Variants in SACS observed in about 807,000 individuals in gnomAD.
SACS encodes the protein sacsin molecular chaperone, also known as sacsin.
In SACS, 197 loss-of-function variants were observed where a neutral mutation model predicts 348.0. The ratio of observed to expected loss-of-function variants is 0.57; its 90% confidence interval spans 0.50 to 0.64. The LOEUF (loss-of-function observed/expected upper bound fraction) is 0.64. Ranked by LOEUF, SACS falls within the 30% of genes least tolerant of loss-of-function variation. SACS has a pLI of 0.00. For missense variants in SACS, 4,999 were observed against 5,360.8 expected, an observed-to-expected ratio of 0.93 and a Z score of 2.11; for synonymous variants, 1,985 against 1,910.6, an observed-to-expected ratio of 1.04 and a Z score of -1.02.
chr13:23,423,535 T>A (rs770600200), intron 1 of SACS, among the ~76,000 whole-genome samples: 1 of 152,206 alleles, frequency 6.6e-6, no homozygotes, highest in African/African-American at 2.4e-5. Context: ...TATTGTAGAA[T>A]CTAAGTAATG....
intron 1 of SACS, among the ~76,000 whole-genome samples, chr13:23,431,945 A>G (rs2138031884): frequency 6.6e-6 from 1 of 152,368 alleles, no homozygotes; most frequent in Admixed American, 6.5e-5. Flanking sequence ...AGAAAACGAC[A>G]AAACTCTTAC....
In SACS at chr13:23,375,219, G is replaced by T; in HGVS notation, c.71C>A (p.Ala24Glu). The change falls in exon 3 of 10, where the codon GCG becomes GAG. Residue 24 changes from alanine (A) to glutamate (E), a missense_variant. By Grantham distance (107) the Ala-to-Glu change is moderately radical (BLOSUM62 -1). Coordinates refer to ENST00000382292, the MANE Select transcript of SACS (RefSeq NM_014363.6). ...GCGCACGGTCCAGGACGCCAGCGCCGCGACGGTCCTGCAGCCCACGCAGCC... is the reference window on the plus strand; with the variant it reads ...GCGCACGGTCCAGGACGCCAGCGCCTCGACGGTCCTGCAGCCCACGCAGCC... ...LPGCVGCRTVAALASWTVRDV... is the reference protein window; with the variant it reads ...LPGCVGCRTVEALASWTVRDV... 6.7e-7 allele frequency: 1 copy of T among 1,499,162 alleles called. No individual in the cohort carries two copies. Among genetic ancestry groups the T allele is most frequent in the South Asian group, 1.3e-5 (1 of 79,084 alleles). 92.9% of individuals were successfully genotyped at this position (1,499,162 alleles called of 1,614,324 possible). A position where few individuals can be genotyped will look rare whatever the true frequency, so the allele number is the denominator to read the frequency against.
chr13:23,402,525 A>T (rs1312393276), intron 2 of SACS, among the ~76,000 whole-genome samples: 2 of 152,238 alleles, frequency 1.3e-5, no homozygotes, highest in Admixed American at 6.5e-5. Flanking sequence ...GCATAAGTTC[A>T]ATAGGAATCT....
chr13:23,408,496 G>A (rs553203466), intron 2 of SACS, among the ~76,000 whole-genome samples: 18 of 152,274 alleles, frequency 1.2e-4, no homozygotes, highest in African/African-American at 3.9e-4. Context: ...TGTACATCAC[G>A]TTCTACATGC....
At chr13:23,369,859 TTC>T (rs1044489271) in intron 4 of SACS, among the ~76,000 whole-genome samples, 3 of 150,666 alleles carry the variant, frequency 2.0e-5, no homozygotes, top group Non-Finnish European at 3.0e-5. Context: ...CCACTCACAC[TTC>T]TTTTTTTTTT....
intron 2 of SACS, among the ~76,000 whole-genome samples, chr13:23,393,976 A>G (rs1197490493): frequency 1.3e-5 from 2 of 152,096 alleles, no homozygotes; most frequent in Admixed American, 1.3e-4. Context: ...TATCCAGGAT[A>G]GTCTGGATCT....
At chr13:23,364,253 G>A (rs1870925557) in intron 6 of SACS, among the ~76,000 whole-genome samples, 1 of 152,100 alleles carries the variant, frequency 6.6e-6, no homozygotes, top group Admixed American at 6.5e-5. Flanking sequence ...TGTCTCAGAA[G>A]GTCTGACTTG....
chr13:23,339,514 T>C lies in SACS; in HGVS notation c.4362A>G (p.Ser1454=), dbSNP rs748395013. ...INPENMGFEQ[S]GQREPLTVRI... is the part of the protein sequence containing the mutation. ...TTACAGTAAGTGGCTCTCTTTGTCC[T>C]GACTGCTCAAATCCCATGTTTTCAG... Residue 1454 remains serine (S), a synonymous_variant, in exon 10 of 10, where the codon TCA becomes TCG. Transcript: ENST00000382292. 34 of 1,612,822 alleles carry C rather than the reference T, an allele frequency of 2.1e-5. No homozygotes were observed. Among genetic ancestry groups the C allele is most frequent in the Non-Finnish European group, 2.0e-5 (24 of 1,179,108 alleles).
Position 23,333,311 on chromosome 13 carries a change from T to C in SACS, c.10565A>G (p.Glu3522Gly), listed in dbSNP as rs1883612433. The stretch of plus-strand genomic sequence containing the variant: ...AGCATCATGGATTATCAATAAACTT[T>C]CCAGTTTTTCAAAAAGTTGTTCCTT... Reference protein sequence around the residue: ...EIKEQLFEKLESLLIIHDANS... With the variant: ...EIKEQLFEKLGSLLIIHDANS... The change falls in exon 10 of 10, where the codon GAA becomes GGA. Residue 3522 changes from glutamate (E) to glycine (G), a missense_variant. This residue lies in a region of SACS where 831 missense variants were observed against 941.8 expected (regional missense o/e 0.88). Transcript: ENST00000382292. The C allele has an allele frequency of 1.2e-6, 2 of 1,604,124 alleles. No homozygotes were observed. The highest frequency in any genetic ancestry group is 2.3e-5 in the South Asian group (2 of 88,084).
At position 23,338,910 on chromosome 13, in the gene SACS, C is replaced by T. The variant is rs1332057000; in HGVS notation, c.4966G>A (p.Val1656Met). Residue 1656 changes from valine (V) to methionine (M), a missense_variant, in exon 10 of 10, where the codon GTG (valine) becomes ATG (methionine). This residue lies in a region of SACS where 3,156 missense variants were observed against 3,380.1 expected (regional missense o/e 0.93). Coordinates refer to ENST00000382292, the MANE Select transcript of SACS (RefSeq NM_014363.6). ...LSFRTQQEAK[V>M]SEVSSTCYNT... is the part of the protein sequence containing the mutation. ...TAGCACGTACTACTAACTTCACTCACTTTTGCTTCCTGTTGAGTTCTAAAG... is the reference window on the plus strand; with the variant it reads ...TAGCACGTACTACTAACTTCACTCATTTTTGCTTCCTGTTGAGTTCTAAAG... The T allele has an allele frequency of 2.5e-6, 4 of 1,613,152 alleles. No homozygotes were observed. Among genetic ancestry groups the T allele is most frequent in the Non-Finnish European group, 3.4e-6 (4 of 1,179,624 alleles).
chr13:23,339,116 T>C lies in SACS; in HGVS notation c.4760A>G (p.His1587Arg), dbSNP rs1868949196. Residue 1587 changes from histidine to arginine, a missense_variant, in exon 10 of 10, where the codon CAT becomes CGT. By Grantham distance (29) the His-to-Arg change is conservative. Coordinates refer to ENST00000382292, the MANE Select transcript of SACS (RefSeq NM_014363.6). ...FMIMFDPNIN[H>R]ISKHIKDKSN... Reference sequence around the variant, plus strand: ...TTTGTCTTTAATGTGTTTACTGATATGATTTATGTTTGGATCGAACATTAT... The same window carrying C: ...TTTGTCTTTAATGTGTTTACTGATACGATTTATGTTTGGATCGAACATTAT... 4 of 1,610,892 alleles carry C rather than the reference T, an allele frequency of 2.5e-6. No individual in the cohort carries two copies. Among genetic ancestry groups the C allele is most frequent in the African/African-American group, 1.3e-5 (1 of 74,842 alleles).
chr13:23,424,853 C>A (rs1025084021), intron 1 of SACS, among the ~76,000 whole-genome samples: 4 of 152,182 alleles, frequency 2.6e-5, no homozygotes, highest in Non-Finnish European at 5.9e-5. Flanking sequence ...CAAGTCCAAA[C>A]ACAGGTTTTG....
At chr13:23,412,011 A>C in intron 1 of SACS, among the ~76,000 whole-genome samples, 1 of 152,272 alleles carries the variant, frequency 6.6e-6, no homozygotes, top group Middle Eastern at 3.4e-3. Flanking sequence ...TGTAATCCCA[A>C]CACTTTGGGA....
rs1473555988 is a variant in SACS, at chr13:23,340,207, A to G, written c.3669T>C (p.Ala1223=). 1.2e-6 allele frequency: 2 copies of G among 1,611,220 alleles called. No homozygotes were observed. Among genetic ancestry groups the G allele is most frequent in the East Asian group, 2.2e-5 (1 of 44,870 alleles). Residue 1223 remains alanine, a synonymous_variant, in exon 10 of 10, where the codon GCT becomes GCC. Transcript: ENST00000382292. ...LGIFTKPSLS[A]VLKHFKIVVD... is the part of the protein sequence containing the mutation. ...CAACAATTTTAAAGTGTTTTAAGAC[A>G]GCACTAAGGCTAGGTTTTGTGAAGA...
At chr13:23,366,188 CAAT>C (rs761248185) in intron 5 of SACS, among the ~76,000 whole-genome samples, 8 of 152,314 alleles carry the variant, frequency 5.3e-5, no homozygotes, top group South Asian at 2.1e-4. Context: ...GATACTACAA[CAAT>C]GTCAACAGTG....
At chr13:23,414,229 G>A (rs1373864930) in intron 1 of SACS, among the ~76,000 whole-genome samples, 2 of 152,204 alleles carry the variant, frequency 1.3e-5, no homozygotes, top group South Asian at 2.1e-4. Flanking sequence ...GTGTGAACCC[G>A]GAAGGCGGAG....
At chr13:23,425,426 A>C (rs148535798) in intron 1 of SACS, among the ~76,000 whole-genome samples, 1 of 152,052 alleles carries the variant, frequency 6.6e-6, no homozygotes, top group Non-Finnish European at 1.5e-5. Flanking sequence ...ACTGGAGTCC[A>C]CTTGACTAGG....
At chr13:23,344,643 A>G (rs1447263360) in intron 9 of SACS, among the ~76,000 whole-genome samples, 1 of 152,246 alleles carries the variant, frequency 6.6e-6, no homozygotes, top group Non-Finnish European at 1.5e-5. Flanking sequence ...AAGCACCTCT[A>G]ATAGGATCAG....
chr13:23,388,550 C>A (rs1275030784), intron 2 of SACS, among the ~76,000 whole-genome samples: 5 of 143,326 alleles, frequency 3.5e-5, no homozygotes, highest in Non-Finnish European at 6.1e-5. Context: ...ATTAAAAAAA[C>A]AAACAAATAA....
Sources: gnomAD v4.1 joint callset for allele counts (sites outside exome capture counted in the v4.1 genomes callset) on GRCh38, gnomAD v4.1.1 for gene constraint, gnomAD v4.1.1 regional missense constraint, MANE v1.5 for transcripts, NCBI Gene and HGNC (gene_info 2026-07-23, HGNC 2026-07-21) for gene names.